Variants in GTF2A1L observed in about 807,000 individuals in gnomAD.
The protein encoded by GTF2A1L is TFIIA-alpha and beta-like factor.
A neutral mutation model predicts 49.7 loss-of-function variants in GTF2A1L; 48 were observed. That is an observed-to-expected ratio of 0.97 (90% CI 0.77 to 1.23). GTF2A1L has a LOEUF of 1.23. GTF2A1L is among the 50% of genes most tolerant of loss of function. The pLI is 0.00. For synonymous variants in GTF2A1L, 246 were observed against 193.5 expected, an observed-to-expected ratio of 1.27 and a Z score of -2.25; for missense variants, 736 against 564.8, an observed-to-expected ratio of 1.30 and a Z score of -3.07.
chr2:48,648,242 CATAACAT>C (rs1157966372), intron 6 of GTF2A1L, among the ~76,000 whole-genome samples: 1 of 151,922 alleles, frequency 6.6e-6, no homozygotes, highest in Non-Finnish European at 1.5e-5. Flanking sequence ...CGTTTTTTAA[CATAACAT>C]ATAACACTTA....
At chr2:48,656,497 G>T (rs1255381941) in intron 6 of GTF2A1L, among the ~76,000 whole-genome samples, 1 of 151,336 alleles carries the variant, frequency 6.6e-6, no homozygotes, top group Non-Finnish European at 1.5e-5. Context: ...TGCATTCTTT[G>T]TAGAGAAGTC....
At position 48,627,439 on chromosome 2, in the gene GTF2A1L, C is replaced by T. The variant is rs369912983; in HGVS notation, c.247+6149C>T. On this transcript the variant is annotated intron_variant, in intron 3 of 8. Transcript: ENST00000403751. ...TTGGTTTCCTGTCATACAGTTGAAA[C>T]GTTGTTCATTATACAAGTTTAAAAA... 2.8e-5 allele frequency among the ~76,000 whole-genome samples: 4 copies of T among 143,706 alleles called. 1 individual carries two copies. Among genetic ancestry groups the T allele is most frequent in the South Asian group, 4.7e-4 (2 of 4,224 alleles). 94.3% of individuals were successfully genotyped at this position (143,706 alleles called of 152,430 possible).
At chr2:48,654,435 G>C (rs375878894) in intron 6 of GTF2A1L, among the ~76,000 whole-genome samples, 7 of 152,110 alleles carry the variant, frequency 4.6e-5, no homozygotes, top group African/African-American at 1.7e-4. Flanking sequence ...GTCTCGCTCT[G>C]TCGCCCAGGC....
chr2:48,620,029 A>C (rs1185295975), intron 1 of GTF2A1L, among the ~76,000 whole-genome samples: 1 of 152,176 alleles, frequency 6.6e-6, no homozygotes, highest in Non-Finnish European at 1.5e-5. Flanking sequence ...TTTGGAAGTG[A>C]GATGAGCTTT....
intron 3 of GTF2A1L, among the ~76,000 whole-genome samples, chr2:48,637,712 T>C: frequency 6.6e-6 from 1 of 152,030 alleles, no homozygotes. Flanking sequence ...ATTAATAAGA[T>C]AGATAGGCTG....
chr2:48,636,835 T>C (rs192055762), intron 3 of GTF2A1L, among the ~76,000 whole-genome samples: 2 of 152,298 alleles, frequency 1.3e-5, no homozygotes, highest in African/African-American at 4.8e-5. Flanking sequence ...AATTGGGACG[T>C]GTAGTCACCC....
chr2:48,663,721 C>T (rs1390982331), intron 6 of GTF2A1L, among the ~76,000 whole-genome samples: 2 of 151,984 alleles, frequency 1.3e-5, no homozygotes, highest in African/African-American at 2.4e-5. Context: ...CTCACTGCAG[C>T]CCTGATCTCC....
At chr2:48,641,681 C>G (rs1298220367) in intron 3 of GTF2A1L, among the ~76,000 whole-genome samples, 3 of 151,978 alleles carry the variant, frequency 2.0e-5, no homozygotes, top group Non-Finnish European at 2.9e-5. Context: ...TTTCTTTATG[C>G]TTATTTTTAA....
At chr2:48,653,128 G>A (rs1677960211) in intron 6 of GTF2A1L, among the ~76,000 whole-genome samples, 1 of 151,030 alleles carries the variant, frequency 6.6e-6, no homozygotes, top group South Asian at 2.1e-4. Flanking sequence ...GGCTGAGGCA[G>A]GAGGATGGCA....
At position 48,679,435 on chromosome 2, in the gene GTF2A1L, A is replaced by G. The variant is rs1679650918; in HGVS notation, c.1430A>G (p.Glu477Gly). 6.2e-7 allele frequency: 1 copy of G among 1,612,404 alleles called. No individual in the cohort carries two copies. The highest frequency in any genetic ancestry group is 2.2e-5 in the East Asian group (1 of 44,784). Residue 477 changes from glutamate (E) to glycine (G), a missense_variant, in exon 9 of 9, where the codon GAG becomes GGG. Glu to Gly is a moderately conservative substitution (Grantham distance 98). Transcript: ENST00000403751. ...TTTGCAAAAGCCATTGGTGATGCAG[A>G]GTGGTAAACCTTGTGAGCTCAGTAC... ...YVFAKAIGDA[E>G]W
intron 6 of GTF2A1L, 69 bp from the exon 7 acceptor site, chr2:48,669,653 T>G (rs1679057020): frequency 2.0e-6 from 3 of 1,508,330 alleles, no homozygotes; most frequent in Non-Finnish European, 2.7e-6. Flanking sequence ...TTGTTAATTT[T>G]AAATTTGGAT....
rs139979181 is a variant in GTF2A1L, at chr2:48,660,312, T to C, written c.979-9410T>C. 3.3e-5 allele frequency among the ~76,000 whole-genome samples: 5 copies of C among 152,260 alleles called. No homozygotes were observed. In the East Asian group the frequency reaches 9.6e-4, roughly 29 times the overall value. ...CCTCATAAAATAAGTTTGGAGATAT[T>C]TTGTTCTTCCATTTTTTGGAAGAGT... On this transcript the variant is annotated intron_variant, in intron 6 of 8. Transcript: ENST00000403751.
chr2:48,660,114 A>T (rs538599750), intron 6 of GTF2A1L, among the ~76,000 whole-genome samples: 1 of 151,940 alleles, frequency 6.6e-6, no homozygotes, highest in South Asian at 2.1e-4. Flanking sequence ...ATCTTGAACT[A>T]TCCTTGCATC....
chr2:48,644,763 G>A (rs919287080), intron 4 of GTF2A1L, among the ~76,000 whole-genome samples: 1 of 152,146 alleles, frequency 6.6e-6, no homozygotes, highest in Admixed American at 6.5e-5. Context: ...GCTATGTCTT[G>A]GGCAAGTTTT....
chr2:48,667,902 G>T (rs1249219310), intron 6 of GTF2A1L, among the ~76,000 whole-genome samples: 1 of 152,120 alleles, frequency 6.6e-6, no homozygotes, highest in East Asian at 1.9e-4. Context: ...CCCATGACTT[G>T]CAAACTCAGA....
At chr2:48,670,112 G>T in intron 7 of GTF2A1L, 130 bp downstream of exon 7, 1 of 1,340,210 alleles carries the variant, frequency 7.5e-7, no homozygotes, top group Non-Finnish European at 9.8e-7. Context: ...CTTATTTGGG[G>T]CCGGGCACGG....
intron 3 of GTF2A1L, among the ~76,000 whole-genome samples, chr2:48,638,233 GGCCAGCATCATCCC>G (rs1180504214): frequency 2.0e-5 from 3 of 152,270 alleles, no homozygotes; most frequent in Admixed American, 6.5e-5. Context: ...AATTCTGTGA[GGCCAGCATCATCCC>G]GATACCAAAG....
At chr2:48,651,917 A>G (rs1677873028) in intron 6 of GTF2A1L, among the ~76,000 whole-genome samples, 1 of 152,064 alleles carries the variant, frequency 6.6e-6, no homozygotes, top group African/African-American at 2.4e-5. Context: ...AAAGACTTAA[A>G]TCTTTGTTTT....
At chr2:48,646,431 A>G in intron 5 of GTF2A1L, 22 bp from the exon 6 acceptor site, 1 of 1,537,742 alleles carries the variant, frequency 6.5e-7, no homozygotes, top group Non-Finnish European at 8.7e-7. Flanking sequence ...TATACTTACA[A>G]TTTTGCTTTC....
Sources: allele counts gnomAD v4.1 joint callset (sites outside exome capture counted in the v4.1 genomes callset), GRCh38; gene constraint gnomAD v4.1.1; transcripts MANE v1.5; gene names NCBI Gene and HGNC (gene_info 2026-07-23, HGNC 2026-07-21).